Variants in RIC1 observed in about 807,000 individuals in gnomAD.
The protein encoded by RIC1 is RIC1 partner of RAB6A GEF complex.
In RIC1, 88 loss-of-function variants were observed where a neutral mutation model predicts 169.0. The ratio of observed to expected loss-of-function variants is 0.52; its 90% confidence interval spans 0.44 to 0.62. RIC1 has a LOEUF of 0.62. Ranked by LOEUF, RIC1 falls within the 20% of genes least tolerant of loss-of-function variation. The pLI is 0.00. For missense variants in RIC1, 1,877 were observed against 1,725.5 expected (o/e 1.09, Z -1.56); for synonymous variants, 790 against 601.5 (o/e 1.31, Z -4.59).
intron 1 of RIC1, among the ~76,000 whole-genome samples, chr9:5,645,574 C>T (rs1271710195): frequency 6.6e-6 from 1 of 152,070 alleles, no homozygotes; most frequent in African/African-American, 2.4e-5. Context: ...CCCATCAGTC[C>T]CTGGAAACTA....
At chr9:5,762,787 G>C (rs919369385) in intron 18 of RIC1, 127 bp downstream of exon 18, 24 of 1,221,686 alleles carry the variant, frequency 2.0e-5, no homozygotes, top group Non-Finnish European at 2.7e-5. Context: ...CATAAAATCA[G>C]TCTTAAGCCT....
chr9:5,758,752 CTTT>C (rs1233419584), intron 17 of RIC1, among the ~76,000 whole-genome samples: 2 of 36,450 alleles, frequency 5.5e-5, no homozygotes, highest in Non-Finnish European at 1.2e-4. Flanking sequence ...GTCCTTTTTT[CTTT>C]TTTTTTTTGA....
rs770845191 is a variant in RIC1, at chr9:5,690,028, G to A, written c.322G>A (p.Val108Met). 8.2e-6 allele frequency: 13 copies of A among 1,589,620 alleles called. No homozygotes were observed. The East Asian group carries it at 2.5e-4, about 30-fold the overall frequency. The change falls in exon 3 of 26, where the codon GTG (valine) becomes ATG (methionine). Residue 108 changes from valine to methionine, a missense_variant. Transcript: ENST00000414202. ...AGGGGACAAGTACCTTTATGAACCA[G>A]TGTATCCCAAGTAAGTTTGTTGCCT... ...TRGDKYLYEP[V>M]YPKGSPQMKG... is the part of the protein sequence containing the mutation.
At chr9:5,772,497 T>G in intron 23 of RIC1, 67 bp from the exon 24 acceptor site, 1 of 1,325,372 alleles carries the variant, frequency 7.5e-7, no homozygotes, top group Non-Finnish European at 1.0e-6. Context: ...ACAGCTAATA[T>G]TTAAAATTAA....
At chr9:5,654,845 G>A (rs149995948) in intron 1 of RIC1, among the ~76,000 whole-genome samples, 56 of 152,236 alleles carry the variant, frequency 3.7e-4, no homozygotes, top group East Asian at 2.7e-3. Context: ...GAGCTACTGC[G>A]CCTGGCCTGC....
chr9:5,630,288 A>G (rs1317549767), intron 1 of RIC1, among the ~76,000 whole-genome samples: 1 of 152,228 alleles, frequency 6.6e-6, no homozygotes, highest in African/African-American at 2.4e-5. Flanking sequence ...ACACTGCTAT[A>G]ACTTTGTCTA....
At chr9:5,692,987 A>G (rs1223370739) in intron 3 of RIC1, among the ~76,000 whole-genome samples, 1 of 152,258 alleles carries the variant, frequency 6.6e-6, no homozygotes, top group Admixed American at 6.5e-5. Context: ...GCTAGGATTC[A>G]GACATAAGTG....
intron 2 of RIC1, among the ~76,000 whole-genome samples, chr9:5,679,938 T>G (rs1820711855): frequency 6.6e-6 from 1 of 152,214 alleles, no homozygotes; most frequent in Admixed American, 6.5e-5. Flanking sequence ...AGGGAATGCT[T>G]CCAGTTTTTG....
At chr9:5,701,766 C>G (rs1822236391) in intron 3 of RIC1, among the ~76,000 whole-genome samples, 1 of 152,202 alleles carries the variant, frequency 6.6e-6, no homozygotes, top group Middle Eastern at 3.4e-3. Flanking sequence ...ATTATCTGTT[C>G]TTCCAAACAA....
At chr9:5,718,524 G>A (rs534176486) in intron 4 of RIC1, among the ~76,000 whole-genome samples, 1 of 152,148 alleles carries the variant, frequency 6.6e-6, no homozygotes, top group Non-Finnish European at 1.5e-5. Context: ...GATGACAGCT[G>A]CCTAGATTAT....
At position 5,776,182 on chromosome 9, in the gene RIC1, G is replaced by A. The variant is rs1200841438; in HGVS notation, c.*1936G>A. On this transcript the variant is annotated 3_prime_UTR_variant, in exon 26 of 26. Transcript: ENST00000414202. ...TATTCCTGTGGGTTAGGCCGTGAATGAATCATTTCTTTTATACAATATTCT... is the reference window on the plus strand; with the variant it reads ...TATTCCTGTGGGTTAGGCCGTGAATAAATCATTTCTTTTATACAATATTCT... 3 of 152,246 alleles carry A rather than the reference G, an allele frequency of 2.0e-5. No individual in the cohort carries two copies. Among genetic ancestry groups the A allele is most frequent in the African/African-American group, 7.2e-5 (3 of 41,552 alleles). The allele number at this position is 152,246 out of a possible 1,614,324, so 9.4% of individuals were successfully genotyped here. A position where few individuals can be genotyped will look rare whatever the true frequency, so the allele number is the denominator to read the frequency against.
At chr9:5,671,768 C>G (rs1226092625) in intron 2 of RIC1, among the ~76,000 whole-genome samples, 1 of 152,128 alleles carries the variant, frequency 6.6e-6, no homozygotes, top group African/African-American at 2.4e-5. Context: ...AGCCTAAAGT[C>G]AGAATCATCA....
intron 3 of RIC1, among the ~76,000 whole-genome samples, chr9:5,690,407 A>C (rs1821524972): frequency 6.6e-6 from 1 of 152,070 alleles, no homozygotes; most frequent in African/African-American, 2.4e-5. Flanking sequence ...GCATAGAAAA[A>C]AAAGAACCTC....
At chr9:5,683,063 G>A (rs142532687) in intron 2 of RIC1, among the ~76,000 whole-genome samples, 302 of 152,156 alleles carry the variant, frequency 2.0e-3, no homozygotes, top group African/African-American at 6.7e-3. Context: ...TTAGCCATTC[G>A]TCTAATTTTT....
At chr9:5,641,445 A>G (rs1818242170) in intron 1 of RIC1, among the ~76,000 whole-genome samples, 1 of 152,028 alleles carries the variant, frequency 6.6e-6, no homozygotes, top group African/African-American at 2.4e-5. Context: ...TAACCTTCTC[A>G]TACTTGAATG....
chr9:5,658,940 G>A (rs1819278118), intron 2 of RIC1, among the ~76,000 whole-genome samples: 1 of 150,482 alleles, frequency 6.6e-6, no homozygotes, highest in African/African-American at 2.4e-5. Context: ...ATTAGAAAAT[G>A]TTTTCAAATA....
At chr9:5,771,101 T>C (rs1309492043) in intron 23 of RIC1, among the ~76,000 whole-genome samples, 1 of 152,152 alleles carries the variant, frequency 6.6e-6, no homozygotes, top group Non-Finnish European at 1.5e-5. Context: ...AGCTTAACCG[T>C]TTTTAAGCAG....
chr9:5,754,804 G>A, intron 14 of RIC1, 37 bp from the exon 15 acceptor site: 1 of 1,211,852 alleles, frequency 8.3e-7, no homozygotes, highest in Non-Finnish European at 1.2e-6. Context: ...ATTTCTGGTA[G>A]CATAAGGTAA....
At chr9:5,687,758 T>C (rs1821340317) in intron 2 of RIC1, among the ~76,000 whole-genome samples, 1 of 152,226 alleles carries the variant, frequency 6.6e-6, no homozygotes, top group Non-Finnish European at 1.5e-5. Flanking sequence ...CCTGTTATCT[T>C]TTAAAGAAAT....
Sources: gnomAD v4.1 joint callset for allele counts (sites outside exome capture counted in the v4.1 genomes callset) on GRCh38, gnomAD v4.1.1 for gene constraint, MANE v1.5 for transcripts, NCBI Gene and HGNC (gene_info 2026-07-23, HGNC 2026-07-21) for gene names.